Variants in IL17B observed in about 807,000 individuals in gnomAD.
The protein encoded by IL17B is interleukin-17B.
In IL17B, 14 loss-of-function variants were observed where a neutral mutation model predicts 14.7. That is an observed-to-expected ratio of 0.95 (90% CI 0.63 to 1.49). The LOEUF is 1.49. Among genes scored for constraint, IL17B ranks in the 40% most tolerant of loss-of-function variants. IL17B has a pLI of 0.00. For missense variants in IL17B, 233 were observed against 252.8 expected, an observed-to-expected ratio of 0.92 and a Z score of 0.53; for synonymous variants, 105 against 94.8, an observed-to-expected ratio of 1.11 and a Z score of -0.62.
intron 1 of IL17B, among the ~76,000 whole-genome samples, chr5:149,394,619 A>G (rs955628472): frequency 6.6e-6 from 1 of 152,204 alleles, no homozygotes; most frequent in African/African-American, 2.4e-5. Context: ...TGATATGAAA[A>G]CTGTATTACA....
intron 1 of IL17B, among the ~76,000 whole-genome samples, chr5:149,392,969 C>CGT (rs1561716927): frequency 1.8e-5 from 1 of 55,876 alleles, no homozygotes; most frequent in African/African-American, 8.6e-5. Flanking sequence ...CGTGTGTGTG[C>CGT]GCGCGTGCGT....
chr5:149,376,976 C>G lies in IL17B; in HGVS notation c.71G>C (p.Ser24Thr). 1 of 1,597,112 alleles carries G rather than the reference C, an allele frequency of 6.3e-7. No individual in the cohort carries two copies. The highest frequency in any genetic ancestry group is 1.1e-5 in the South Asian group (1 of 88,502). Residue 24 changes from serine to threonine, a missense_variant, in exon 2 of 3, where the codon AGC becomes ACC. Coordinates refer to ENST00000261796, the MANE Select transcript of IL17B (RefSeq NM_014443.3). ...TTGCCCCTTCCTCTTGCTTTTGGGG[C>G]TCCTGGGCTGGCCCAGCCCCAGGAA... is the stretch of plus-strand genomic sequence containing the variant. The part of the protein sequence containing the change: ...SIFLGLGQPR[S>T]PKSKRKGQGR...
chr5:149,403,066 C>CTGTTT (rs113008877), intron 1 of IL17B, among the ~76,000 whole-genome samples: 1,606 of 142,048 alleles, frequency 0.011, 14 homozygotes, highest in African/African-American at 0.015. Context: ...TTGTTTTGTT[C>CTGTTT]TGTTTTGTTT....
chr5:149,377,070 T>C (rs1758564782), intron 1 of IL17B, 45 bp from the exon 2 acceptor site: 1 of 1,481,222 alleles, frequency 6.8e-7, no homozygotes, highest in Non-Finnish European at 9.0e-7. Context: ...GCCAAGTCTC[T>C]ATCTGGGCCA....
intron 1 of IL17B, among the ~76,000 whole-genome samples, chr5:149,393,422 CA>C (rs575574788): frequency 1.4e-3 from 211 of 152,276 alleles, no homozygotes; most frequent in Non-Finnish European, 2.4e-3. Flanking sequence ...TCCCTGAAAG[CA>C]AGGACTTGGT....
rs202118109 is a variant in IL17B at position 149,390,226 on chromosome 5, CTCCCT to C, written n.96-13206_96-13202del. ...ATTACTGGTATTAGTGACCCCCCCCCTCCCTGTCCCTGGGGAAAGATGGGTCAGGG... is the reference window on the plus strand; with the variant it reads ...ATTACTGGTATTAGTGACCCCCCCCCGTCCCTGGGGAAAGATGGGTCAGGG... On this transcript the variant is annotated intron_variant and non_coding_transcript_variant, in intron 1 of 2. Coordinates refer to the IL17B transcript ENST00000505432. 4.9e-3 allele frequency among the ~76,000 whole-genome samples: 734 copies of C among 148,706 alleles called. 24 individuals carry two copies. The highest frequency in any genetic ancestry group is 0.016 in the African/African-American group (679 of 41,214).
intron 1 of IL17B, among the ~76,000 whole-genome samples, chr5:149,391,445 G>A (rs919512030): frequency 1.3e-4 from 20 of 152,208 alleles, no homozygotes; most frequent in African/African-American, 4.3e-4. Context: ...TTTAACACCA[G>A]GATAAAATGG....
intron 1 of IL17B, among the ~76,000 whole-genome samples, chr5:149,395,206 T>C (rs1408923521): frequency 1.3e-5 from 2 of 152,216 alleles, no homozygotes; most frequent in South Asian, 4.1e-4. Flanking sequence ...CTCTCTTTTT[T>C]TAATGGCTGC....
Position 149,377,044 on chromosome 5 carries a change from G to T in IL17B, c.22-19C>A. ...GAAACAGCTGGGGAGGAAAGCCACA[G>T]GTCAAAGGTGGGAGAGCCAAGTCTC... On this transcript the variant is annotated intron_variant, in intron 1 of 2. Transcript: ENST00000261796. 1 of 1,525,258 alleles carries T rather than the reference G, an allele frequency of 6.6e-7. No homozygotes were observed. Among genetic ancestry groups the T allele is most frequent in the South Asian group, 1.3e-5 (1 of 75,128 alleles). 94.5% of individuals were successfully genotyped at this position (1,525,258 alleles called of 1,614,324 possible).
intron 1 of IL17B, among the ~76,000 whole-genome samples, chr5:149,396,479 G>A (rs1759093328): frequency 6.6e-6 from 1 of 152,172 alleles, no homozygotes; most frequent in Admixed American, 6.5e-5. Flanking sequence ...AGAATAGCTC[G>A]GCTGGGTGCA....
intron 1 of IL17B, among the ~76,000 whole-genome samples, chr5:149,385,194 A>T (rs1217794622): frequency 1.3e-5 from 2 of 151,972 alleles, no homozygotes; most frequent in Non-Finnish European, 2.9e-5. Flanking sequence ...CGTCTCTACT[A>T]AAAATACAAA....
Position 149,393,162 on chromosome 5 carries a change from T to G in IL17B, n.95+10946A>C, listed in dbSNP as rs148827571. On this transcript the variant is annotated intron_variant and non_coding_transcript_variant, in intron 1 of 2. Coordinates refer to the IL17B transcript ENST00000505432. ...AACTGAGGCCCAATCACCCACCCAA[T>G]GTCACCCAGAAAGTCATCCTCTGAG... 3.0e-4 allele frequency among the ~76,000 whole-genome samples: 46 copies of G among 152,318 alleles called. No individual in the cohort carries two copies. The East Asian group carries it at 7.5e-3, about 25-fold the overall frequency.
chr5:149,379,449 C>T (rs570067706), upstream of IL17B, among the ~76,000 whole-genome samples: 3 of 152,170 alleles, frequency 2.0e-5, no homozygotes, highest in Non-Finnish European at 4.4e-5. Context: ...GGCCAGGAGC[C>T]GAGCTGAGGT....
chr5:149,391,630 G>A (rs190501841), intron 1 of IL17B, among the ~76,000 whole-genome samples: 153 of 152,220 alleles, frequency 1.0e-3, no homozygotes, highest in Non-Finnish European at 1.5e-3. Context: ...CCAACCACTG[G>A]GCCCCCTAAG....
chr5:149,385,374 T>A (rs1758804197), intron 1 of IL17B, among the ~76,000 whole-genome samples: 1 of 151,632 alleles, frequency 6.6e-6, no homozygotes, highest in Non-Finnish European at 1.5e-5. Context: ...CAAAAAAAAA[T>A]CCTGACCTCA....
At chr5:149,379,970 C>G (rs1758648721), upstream of IL17B, among the ~76,000 whole-genome samples, 1 of 152,222 alleles carries the variant, frequency 6.6e-6, no homozygotes, top group African/African-American at 2.4e-5. Flanking sequence ...GAACATATTT[C>G]TGAAGCTGTA....
At chr5:149,403,183 CAA>C (rs1252984085) in intron 1 of IL17B, among the ~76,000 whole-genome samples, 1 of 151,944 alleles carries the variant, frequency 6.6e-6, no homozygotes, top group African/African-American at 2.4e-5. Flanking sequence ...CTCCCAGGCT[CAA>C]GTGATCCTCC....
rs1178399269 is a variant in IL17B, at chr5:149,392,943, TGTGCGTGC to T, written n.95+11157_95+11164del. 3.3e-5 allele frequency among the ~76,000 whole-genome samples: 5 copies of T among 151,588 alleles called. No homozygotes were observed. The Middle Eastern group carries it at 0.01, about 309-fold the overall frequency. The stretch of plus-strand genomic sequence containing the variant: ...GTGTGCATGTGTGTGTACGTGCGTG[TGTGCGTGC>T]GTGTGTGCGTGTGTGTGCGCGCGTG... On this transcript the variant is annotated intron_variant and non_coding_transcript_variant, in intron 1 of 2. Coordinates refer to the IL17B transcript ENST00000505432.
At chr5:149,393,973 C>A (rs1008007913) in intron 1 of IL17B, among the ~76,000 whole-genome samples, 3 of 152,090 alleles carry the variant, frequency 2.0e-5, no homozygotes, top group Non-Finnish European at 2.9e-5. Flanking sequence ...AAATCAAAAT[C>A]CTGAAAATAG....
Sources: gnomAD v4.1 joint callset for allele counts (sites outside exome capture counted in the v4.1 genomes callset) on GRCh38, gnomAD v4.1.1 for gene constraint, MANE v1.5 for transcripts, NCBI Gene and HGNC (gene_info 2026-07-23, HGNC 2026-07-21) for gene names.